The following NAT1 variants were observed in gnomAD, a reference collection of about 807,000 sequenced individuals.
NAT1 encodes the protein arylamine N-acetyltransferase 1.
For synonymous variants in NAT1, 144 were observed against 122.6 expected (o/e 1.17, Z -1.16); for missense variants, 400 against 339.2 (o/e 1.18, Z -1.41).
intron 2 of NAT1, among the ~76,000 whole-genome samples, chr8:18,219,739 G>C (rs1805088535): frequency 6.6e-6 from 1 of 152,206 alleles, no homozygotes; most frequent in Admixed American, 6.5e-5. Flanking sequence ...TTCAGCCACA[G>C]AATGTTCACG....
chr8:18,193,521 A>C (rs896193263), intron 2 of NAT1, among the ~76,000 whole-genome samples: 4 of 144,444 alleles, frequency 2.8e-5, no homozygotes, highest in Admixed American at 7.0e-5. Flanking sequence ...ATATATATAT[A>C]TCACATACTT....
chr8:18,188,333 C>G (rs779663059), intron 2 of NAT1, among the ~76,000 whole-genome samples: 3 of 152,184 alleles, frequency 2.0e-5, no homozygotes, highest in Non-Finnish European at 4.4e-5. Flanking sequence ...CTCCAGTTAT[C>G]TCTGACACTA....
Position 18,222,302 on chromosome 8 carries a change from G to T in NAT1, c.255G>T (p.Glu85Asp). Reference protein sequence around the residue: ...LYWALTTIGFETTMLGGYVYS... With the variant: ...LYWALTTIGFDTTMLGGYVYS... Reference sequence around the variant, plus strand: ...GGGCTCTGACCACTATTGGTTTTGAGACCACGATGTTGGGAGGGTATGTTT... The same window carrying T: ...GGGCTCTGACCACTATTGGTTTTGATACCACGATGTTGGGAGGGTATGTTT... The change falls in exon 3 of 3, where the codon GAG becomes GAT. Residue 85 changes from glutamate (E) to aspartate (D), a missense_variant. Coordinates refer to ENST00000307719, the MANE Select transcript of NAT1 (RefSeq NM_000662.8). 3 of 1,614,044 alleles carry T rather than the reference G, an allele frequency of 1.9e-6. No individual in the cohort carries two copies. Among genetic ancestry groups the T allele is most frequent in the Non-Finnish European group, 2.5e-6 (3 of 1,179,994 alleles).
intron 2 of NAT1, among the ~76,000 whole-genome samples, chr8:18,220,961 A>C (rs546051569): frequency 3.3e-4 from 50 of 152,298 alleles, no homozygotes; most frequent in Non-Finnish European, 6.2e-4. Flanking sequence ...TGTTCTCTAC[A>C]CAGTATCCAG....
chr8:18,175,849 T>C (rs1802276456), intron 2 of NAT1, among the ~76,000 whole-genome samples: 1 of 152,162 alleles, frequency 6.6e-6, no homozygotes, highest in African/African-American at 2.4e-5. Flanking sequence ...GGGTTTCCTA[T>C]TCTCCAGATC....
upstream of NAT1, among the ~76,000 whole-genome samples, chr8:18,208,352 T>C (rs1364481433): frequency 6.6e-6 from 1 of 152,190 alleles, no homozygotes; most frequent in Non-Finnish European, 1.5e-5. Flanking sequence ...AAATTTTTTC[T>C]ATTTGCCGAT....
intron 2 of NAT1, among the ~76,000 whole-genome samples, chr8:18,189,584 G>C (rs1447913681): frequency 6.6e-6 from 1 of 152,184 alleles, no homozygotes; most frequent in African/African-American, 2.4e-5. Context: ...GGAGTGGGAA[G>C]TGATTATTTG....
At chr8:18,185,270 A>G (rs967342703) in intron 2 of NAT1, among the ~76,000 whole-genome samples, 1 of 152,200 alleles carries the variant, frequency 6.6e-6, no homozygotes, top group Non-Finnish European at 1.5e-5. Context: ...CAGCAAAGCC[A>G]TCTAGGCCGG....
rs565584701 is a variant in NAT1, at chr8:18,184,738, G to C, written n.92+13999G>C. On this transcript the variant is annotated intron_variant and non_coding_transcript_variant, in intron 2 of 4. Transcript: ENST00000517441. ...CATGAGGCCTCTCCAGTCTATGAAT[G>C]GATTAATGCTGTTGCAAACAGAGCT... is the stretch of plus-strand genomic sequence containing the variant. Among the ~76,000 whole-genome samples the C allele has an allele frequency of 2.0e-5, 3 of 152,262 alleles. No homozygotes were observed. The East Asian group carries it at 5.8e-4, about 29-fold the overall frequency.
intron 2 of NAT1, among the ~76,000 whole-genome samples, chr8:18,191,072 G>GA (rs982249332): frequency 2.1e-5 from 3 of 140,832 alleles, no homozygotes; most frequent in Admixed American, 7.1e-5. Flanking sequence ...AAAAAAAAAA[G>GA]AAAAAAAAGA....
In NAT1 at chr8:18,176,412, T is replaced by G. The variant is rs114206230; in HGVS notation, n.92+5673T>G. ...TTGAGTTGACTTCTGCATATGAGTGTGAGATAAGTATATCCACATGTAGAA... is the reference window on the plus strand; with the variant it reads ...TTGAGTTGACTTCTGCATATGAGTGGGAGATAAGTATATCCACATGTAGAA... On this transcript the variant is annotated intron_variant and non_coding_transcript_variant, in intron 2 of 4. Transcript: ENST00000517441. 5.4e-3 allele frequency among the ~76,000 whole-genome samples: 822 copies of G among 152,252 alleles called. 8 individuals carry two copies. The highest frequency in any genetic ancestry group is 0.019 in the African/African-American group (792 of 41,570).
intron 2 of NAT1, among the ~76,000 whole-genome samples, chr8:18,194,985 C>T (rs1040451112): frequency 6.6e-6 from 1 of 152,088 alleles, no homozygotes; most frequent in African/African-American, 2.4e-5. Context: ...AGATCAGACC[C>T]TCTTCTCACT....
chr8:18,216,004 C>G (rs1220581208), intron 1 of NAT1, among the ~76,000 whole-genome samples: 1 of 152,106 alleles, frequency 6.6e-6, no homozygotes, highest in African/African-American at 2.4e-5. Flanking sequence ...GCACCGTTTT[C>G]ATGTAAGAGC....
chr8:18,191,259 G>T (rs1325396525), intron 2 of NAT1, among the ~76,000 whole-genome samples: 1 of 152,140 alleles, frequency 6.6e-6, no homozygotes, highest in African/African-American at 2.4e-5. Flanking sequence ...TATGTCTACA[G>T]TATGAGAAGA....
At chr8:18,186,173 G>T (rs1466388866) in intron 2 of NAT1, among the ~76,000 whole-genome samples, 1 of 152,116 alleles carries the variant, frequency 6.6e-6, no homozygotes, top group Non-Finnish European at 1.5e-5. Context: ...GATTTTTTGT[G>T]CTTTGATTTT....
intron 2 of NAT1, among the ~76,000 whole-genome samples, chr8:18,198,832 G>T (rs1563173990): frequency 2.6e-5 from 4 of 152,184 alleles, no homozygotes; most frequent in Admixed American, 1.3e-4. Context: ...GGTGATGGAA[G>T]CTCAGCTTGC....
intron 2 of NAT1, among the ~76,000 whole-genome samples, chr8:18,184,938 C>T (rs952515073): frequency 6.6e-6 from 1 of 152,190 alleles, no homozygotes; most frequent in Non-Finnish European, 1.5e-5. Context: ...GACTAGTAAG[C>T]TTATCTCAAA....
At chr8:18,174,421 G>A (rs975121600) in intron 2 of NAT1, among the ~76,000 whole-genome samples, 1 of 152,024 alleles carries the variant, frequency 6.6e-6, no homozygotes, top group African/African-American at 2.4e-5. Context: ...TTCCTCCTCT[G>A]TAAAGTAAAG....
chr8:18,189,373 C>A (rs960071590), intron 2 of NAT1, among the ~76,000 whole-genome samples: 1 of 152,034 alleles, frequency 6.6e-6, no homozygotes, highest in African/African-American at 2.4e-5. Context: ...GGTATCAGCA[C>A]CTCTCATTTG....
Sources: gnomAD v4.1 joint callset for allele counts (sites outside exome capture counted in the v4.1 genomes callset) on GRCh38, gnomAD v4.1.1 for gene constraint, MANE v1.5 for transcripts, NCBI Gene and HGNC (gene_info 2026-07-23, HGNC 2026-07-21) for gene names.